The following SYNE1 variants were observed in gnomAD, a reference collection of about 807,000 sequenced individuals.
SYNE1 encodes the protein spectrin repeat containing nuclear envelope protein 1.
SYNE1 carries 616 observed loss-of-function variants against 1,111.0 expected under a neutral mutation model. The observed-to-expected ratio is 0.55, with a 90% CI of 0.52 to 0.59. The LOEUF (loss-of-function observed/expected upper bound fraction) is 0.59. Among genes scored for constraint, SYNE1 ranks in the 20% least tolerant of loss-of-function variants. The probability of loss-of-function intolerance (pLI) is 0.00; values close to 1 mark genes in which losing one functional copy is unlikely to be tolerated. For synonymous variants in SYNE1, 3,855 were observed against 3,825.8 expected (o/e 1.01, Z -0.28); for missense variants, 10,006 against 10,417.0 (o/e 0.96, Z 1.72).
At position 152,231,385 on chromosome 6, in the gene SYNE1, G is replaced by C. The variant is rs368575705; in HGVS notation, c.21039+6C>G. 1.7e-5 allele frequency: 27 copies of C among 1,613,900 alleles called. No homozygotes were observed. The highest frequency in any genetic ancestry group is 5.0e-5 in the Admixed American group (3 of 59,998). ...AAATCTGGACAGTGGGAAGCCACTG[G>C]CTTACCTTCTCAGTTACTAGACCTT... is the stretch of plus-strand genomic sequence containing the variant. On this transcript the variant is annotated splice_donor_region_variant and intron_variant, in intron 114 of 145. Transcript: ENST00000367255.
At chr6:152,513,931 C>A (rs914255572) in intron 6 of SYNE1, among the ~76,000 whole-genome samples, 3 of 152,060 alleles carry the variant, frequency 2.0e-5, no homozygotes, top group African/African-American at 7.2e-5. Flanking sequence ...CAACGAGATA[C>A]CATGTCACAC....
chr6:152,144,025 G>A (rs1046067887), intron 137 of SYNE1: 9 of 493,790 alleles, frequency 1.8e-5, no homozygotes, highest in Middle Eastern at 5.9e-4. Context: ...GAACAGCTTC[G>A]TGCACCTGAC....
chr6:152,628,384 C>G lies in SYNE1; in HGVS notation c.-53G>C. The G allele has an allele frequency of 1.3e-6, 2 of 1,524,924 alleles. No homozygotes were observed. The highest frequency in any genetic ancestry group is 1.4e-5 in the African/African-American group (1 of 73,146). The allele number at this position is 1,524,924 out of a possible 1,614,324, so 94.5% of individuals were successfully genotyped here. ...CCAAGAGACTCTTCACTGGAGGCAG[C>G]ACAGGGCTACACCACTCTAGAAAAC... is the stretch of plus-strand genomic sequence containing the variant. On this transcript the variant is annotated 5_prime_UTR_variant, in exon 3 of 146. Transcript: ENST00000367255.
chr6:152,198,399 C>T (rs1047712383), intron 127 of SYNE1, among the ~76,000 whole-genome samples: 3 of 152,184 alleles, frequency 2.0e-5, no homozygotes, highest in Admixed American at 2.0e-4. Context: ...TTCTCTGTAT[C>T]AGCAATAAGG....
intron 6 of SYNE1, 118 bp downstream of exon 6, chr6:152,520,341 C>T (rs1274903310): frequency 5.9e-6 from 6 of 1,011,004 alleles, no homozygotes; most frequent in Non-Finnish European, 9.3e-6. Context: ...TATTGTATGT[C>T]TAGGCTGTAT....
chr6:152,263,685 A>C (rs1329981402), intron 100 of SYNE1, among the ~76,000 whole-genome samples: 1 of 152,034 alleles, frequency 6.6e-6, no homozygotes, highest in African/African-American at 2.4e-5. Flanking sequence ...GGAGTGAGCC[A>C]CCATGGCTAG....
At position 152,453,495 on chromosome 6, in the gene SYNE1, T is replaced by C. The variant is rs746570138; in HGVS notation, c.3027+91A>G. 7.9e-4 allele frequency: 1,259 copies of C among 1,596,514 alleles called. No homozygotes were observed. The highest frequency in any genetic ancestry group is 1.0e-3 in the Non-Finnish European group (1,170 of 1,165,906). On this transcript the variant is annotated intron_variant, in intron 25 of 145. Coordinates refer to ENST00000367255, the MANE Select transcript of SYNE1 (RefSeq NM_182961.4). Reference sequence around the variant, plus strand: ...AATAGTTACAGTGACTTTCCAGGAATTTCTAAATTTCTCTTACATTTGGAC... The same window carrying C: ...AATAGTTACAGTGACTTTCCAGGAACTTCTAAATTTCTCTTACATTTGGAC...
At chr6:152,529,153 T>G (rs547932286) in intron 4 of SYNE1, among the ~76,000 whole-genome samples, 1 of 152,222 alleles carries the variant, frequency 6.6e-6, no homozygotes, top group African/African-American at 2.4e-5. Flanking sequence ...TCCTATTTTA[T>G]TATCTTTCTC....
intron 131 of SYNE1, among the ~76,000 whole-genome samples, chr6:152,156,779 A>G (rs1464007970): frequency 1.3e-5 from 2 of 152,108 alleles, no homozygotes; most frequent in African/African-American, 4.8e-5. Context: ...GCCTGTATAT[A>G]TGCATGTGCT....
At chr6:152,465,686 G>A (rs989144527) in intron 17 of SYNE1, among the ~76,000 whole-genome samples, 12 of 151,306 alleles carry the variant, frequency 7.9e-5, no homozygotes, top group South Asian at 2.1e-4. Flanking sequence ...AATCCTTAAC[G>A]TATTCTATGC....
At chr6:152,451,431 A>G (rs2098648429) in intron 25 of SYNE1, among the ~76,000 whole-genome samples, 1 of 130,720 alleles carries the variant, frequency 7.6e-6, no homozygotes, top group African/African-American at 2.9e-5. Context: ...TTCCTCAGTG[A>G]TTACTTGATT....
intron 78 of SYNE1, among the ~76,000 whole-genome samples, chr6:152,326,842 C>T (rs1322917061): frequency 2.6e-5 from 4 of 152,078 alleles, no homozygotes; most frequent in Non-Finnish European, 5.9e-5. Context: ...TTATTACTGC[C>T]ATTAAATTAA....
At chr6:152,544,924 A>G (rs1181360331) in intron 3 of SYNE1, among the ~76,000 whole-genome samples, 2 of 152,232 alleles carry the variant, frequency 1.3e-5, no homozygotes, top group Non-Finnish European at 2.9e-5. Context: ...ATATACTTTT[A>G]ATTTTACCTT....
chr6:152,458,693 G>A (rs2154261514), intron 22 of SYNE1, 64 bp downstream of exon 22: 2 of 1,552,972 alleles, frequency 1.3e-6, no homozygotes, highest in East Asian at 2.2e-5. Flanking sequence ...ATTCCTGTAA[G>A]CAACACCCTG....
intron 3 of SYNE1, among the ~76,000 whole-genome samples, chr6:152,614,798 T>C (rs754010208): frequency 2.6e-5 from 4 of 152,108 alleles, no homozygotes; most frequent in African/African-American, 4.8e-5. Context: ...AAATACTATG[T>C]AGTCATAAAA....
At position 152,352,012 on chromosome 6, in the gene SYNE1, G is replaced by GTAAACACACTACCTTGTATTTAGATATA. The variant is rs771106639; in HGVS notation, c.11580+14_11580+15insTATATCTAAATACAAGGTAGTGTGTTTA. The GTAAACACACTACCTTGTATTTAGATATA allele has an allele frequency of 1.9e-6, 3 of 1,612,140 alleles. No homozygotes were observed. Among genetic ancestry groups the GTAAACACACTACCTTGTATTTAGATATA allele is most frequent in the Non-Finnish European group, 2.5e-6 (3 of 1,179,282 alleles). On this transcript the variant is annotated intron_variant, in intron 70 of 145. Transcript: ENST00000367255. ...GTGACCTCTGCATGCATCTGTCAAT[G>GTAAACACACTACCTTGTATTTAGATATA]AGTAAACACACTACCTTGTATTTAG...
intron 62 of SYNE1, among the ~76,000 whole-genome samples, 167 bp from the exon 63 acceptor site, chr6:152,365,186 C>A (rs180726207): frequency 4.6e-5 from 7 of 152,180 alleles, no homozygotes; most frequent in African/African-American, 1.7e-4. Flanking sequence ...TGGTGAATGC[C>A]AGTCACCAGC....
intron 128 of SYNE1, among the ~76,000 whole-genome samples, chr6:152,184,300 G>A (rs1337480993): frequency 6.6e-6 from 1 of 152,118 alleles, no homozygotes; most frequent in Non-Finnish European, 1.5e-5. Flanking sequence ...AGCAGGGCAT[G>A]GTGGCAGGTG....
chr6:152,155,446 A>T, intron 132 of SYNE1: 1 of 310,700 alleles, frequency 3.2e-6, no homozygotes, highest in Non-Finnish European at 6.1e-6. Context: ...ACACTGACAA[A>T]AGTTAATCTA....
Sources: gnomAD v4.1 joint callset for allele counts (sites outside exome capture counted in the v4.1 genomes callset) on GRCh38, gnomAD v4.1.1 for gene constraint, MANE v1.5 for transcripts, NCBI Gene and HGNC (gene_info 2026-07-23, HGNC 2026-07-21) for gene names.